AHCYL2: variants seen among roughly 807,000 people sequenced by gnomAD.
AHCYL2 encodes adenosylhomocysteinase like 2.
In AHCYL2, 28 loss-of-function variants were observed where a neutral mutation model predicts 81.4. That is an observed-to-expected ratio of 0.34 (90% confidence interval 0.25 to 0.47). The LOEUF is 0.47. Among genes scored for constraint, AHCYL2 ranks in the 20% least tolerant of loss-of-function variants. The pLI is 1.00. For synonymous variants in AHCYL2, 272 were observed against 290.2 expected (o/e 0.94, Z 0.64); for missense variants, 551 against 785.1 (o/e 0.70, Z 3.56).
intron 1 of AHCYL2, among the ~76,000 whole-genome samples, chr7:129,302,820 TG>T (rs933359264): frequency 6.6e-6 from 1 of 152,230 alleles, no homozygotes; most frequent in Non-Finnish European, 1.5e-5. Context: ...TTTCTTTTTT[TG>T]GTGTGTCTTT....
intron 1 of AHCYL2, among the ~76,000 whole-genome samples, chr7:129,276,220 G>A (rs1796195992): frequency 6.6e-6 from 1 of 151,882 alleles, no homozygotes; most frequent in Admixed American, 6.6e-5. Context: ...TACAACTAAA[G>A]CAGCATTTAG....
intron 2 of AHCYL2, among the ~76,000 whole-genome samples, chr7:129,387,164 A>T (rs1795241739): frequency 6.6e-6 from 1 of 152,206 alleles, no homozygotes; most frequent in Non-Finnish European, 1.5e-5. Flanking sequence ...TGTATTTTTT[A>T]AAGCTCTAAA....
At chr7:129,237,486 A>G (rs1221219474) in intron 1 of AHCYL2, among the ~76,000 whole-genome samples, 1 of 152,230 alleles carries the variant, frequency 6.6e-6, no homozygotes, top group Non-Finnish European at 1.5e-5. Context: ...GACACTAAAA[A>G]TTAGCATCCT....
chr7:129,413,567 T>C, intron 11 of AHCYL2, 27 bp from the exon 12 acceptor site: 2 of 1,555,860 alleles, frequency 1.3e-6, no homozygotes, highest in Non-Finnish European at 1.8e-6. Context: ...TCTCCACTGC[T>C]GCTCAGACCT....
chr7:129,356,218 T>TG (rs1793731471), intron 1 of AHCYL2, among the ~76,000 whole-genome samples: 1 of 152,212 alleles, frequency 6.6e-6, no homozygotes, highest in Non-Finnish European at 1.5e-5. Flanking sequence ...ACCTCAAAGT[T>TG]GCTCTCATTT....
intron 1 of AHCYL2, among the ~76,000 whole-genome samples, chr7:129,339,263 A>C (rs1793072239): frequency 6.6e-6 from 1 of 152,212 alleles, no homozygotes. Flanking sequence ...GTGGAAGTGC[A>C]ATCTTGGTGC....
chr7:129,233,901 A>G (rs1244496311), intron 1 of AHCYL2, among the ~76,000 whole-genome samples: 4 of 152,118 alleles, frequency 2.6e-5, no homozygotes, highest in Non-Finnish European at 5.9e-5. Context: ...TCCCAAGTCT[A>G]CAAACCTATG....
intron 1 of AHCYL2, among the ~76,000 whole-genome samples, chr7:129,250,214 A>G (rs2566876): frequency 0.65 from 98,279 of 152,046 alleles, 32,435 homozygotes; most frequent in Middle Eastern, 0.73. Flanking sequence ...TCGAGGCCAC[A>G]GTCAGCTATT....
intron 1 of AHCYL2, among the ~76,000 whole-genome samples, chr7:129,286,525 C>G (rs188778857): frequency 1.3e-5 from 2 of 152,102 alleles, no homozygotes; most frequent in Admixed American, 1.3e-4. Flanking sequence ...CAGTGGCATG[C>G]GCTTAGCTCA....
intron 1 of AHCYL2, among the ~76,000 whole-genome samples, chr7:129,253,617 A>AT (rs1795314089): frequency 6.6e-6 from 1 of 152,040 alleles, no homozygotes; most frequent in South Asian, 2.1e-4. Flanking sequence ...TTAAGAAATT[A>AT]TTTTTTATTT....
At position 129,372,462 on chromosome 7, in the gene AHCYL2, C is replaced by T. The variant is rs890973385; in HGVS notation, c.364-7176C>T. Among the ~76,000 whole-genome samples the T allele has an allele frequency of 1.1e-4, 16 of 152,136 alleles. 1 individual carries two copies. The highest frequency in any genetic ancestry group is 2.2e-4 in the African/African-American group (9 of 41,430). The stretch of plus-strand genomic sequence containing the variant: ...GTCTCTTCTTAAGAGCCTTAAGTTA[C>T]GGAAAGCAGAATTAGACCCAGTTTT... On this transcript the variant is annotated intron_variant, in intron 1 of 16. Transcript: ENST00000325006.
intron 1 of AHCYL2, among the ~76,000 whole-genome samples, chr7:129,271,248 C>G (rs1043158757): frequency 6.0e-5 from 9 of 150,716 alleles, no homozygotes; most frequent in Admixed American, 4.7e-4. Flanking sequence ...GTAGTCCCAG[C>G]TATTCGGGAG....
At chr7:129,341,870 A>G (rs148324908) in intron 1 of AHCYL2, among the ~76,000 whole-genome samples, 2 of 152,328 alleles carry the variant, frequency 1.3e-5, no homozygotes, top group East Asian at 3.9e-4. Flanking sequence ...AGAATTTACC[A>G]ACACTTGGGA....
intron 13 of AHCYL2, among the ~76,000 whole-genome samples, chr7:129,423,800 C>T (rs1797228170): frequency 6.6e-6 from 1 of 151,908 alleles, no homozygotes. Flanking sequence ...TTCACATTTT[C>T]CTCACTTTAT....
At chr7:129,418,094 T>C (rs1034337440) in intron 12 of AHCYL2, among the ~76,000 whole-genome samples, 1 of 151,918 alleles carries the variant, frequency 6.6e-6, no homozygotes, top group South Asian at 2.1e-4. Context: ...GCTTGATGTG[T>C]TTGAGGAAAA....
intron 1 of AHCYL2, among the ~76,000 whole-genome samples, chr7:129,269,950 T>C (rs1328173486): frequency 6.6e-6 from 1 of 152,206 alleles, no homozygotes; most frequent in African/African-American, 2.4e-5. Context: ...CATATTACCA[T>C]TTTTGCTCCT....
intron 12 of AHCYL2, among the ~76,000 whole-genome samples, chr7:129,421,251 C>CAA (rs11411466): frequency 6.4e-4 from 88 of 137,016 alleles, no homozygotes; most frequent in Admixed American, 1.3e-3. Flanking sequence ...GACTCCATCT[C>CAA]AAAAAAAAAA....
chr7:129,421,263 A>AG (rs1244920738), intron 12 of AHCYL2, among the ~76,000 whole-genome samples: 1 of 151,872 alleles, frequency 6.6e-6, no homozygotes, highest in Non-Finnish European at 1.5e-5. Flanking sequence ...AAAAAAAAAA[A>AG]AAGAATAGTG....
intron 1 of AHCYL2, among the ~76,000 whole-genome samples, chr7:129,339,705 T>C (rs974870205): frequency 6.6e-6 from 1 of 152,062 alleles, no homozygotes; most frequent in East Asian, 1.9e-4. Flanking sequence ...CTAATTATTT[T>C]TTTTTTTTAG....
Sources: allele counts gnomAD v4.1 joint callset (sites outside exome capture counted in the v4.1 genomes callset), GRCh38; gene constraint gnomAD v4.1.1; transcripts MANE v1.5; gene names NCBI Gene and HGNC (gene_info 2026-07-23, HGNC 2026-07-21).